The following AK9 variants were observed in gnomAD, a reference collection of about 807,000 sequenced individuals.
The protein encoded by AK9 is adenylate kinase domain containing 1.
AK9 carries 191 observed loss-of-function variants against 239.6 expected under a neutral mutation model. That is an observed-to-expected ratio of 0.80 (90% CI 0.71 to 0.90). AK9 has a LOEUF of 0.90. AK9 is among the 40% of genes least tolerant of loss of function. The pLI is 0.00. For synonymous variants in AK9, 689 were observed against 721.0 expected (o/e 0.96, Z 0.71); for missense variants, 1,995 against 2,214.7 (o/e 0.90, Z 1.99).
intron 8 of AK9, among the ~76,000 whole-genome samples, chr6:109,652,467 T>C (rs1270860804): frequency 6.6e-6 from 1 of 152,108 alleles, no homozygotes; most frequent in African/African-American, 2.4e-5. Flanking sequence ...TAATGGAGCT[T>C]ACTTTTTCAC....
chr6:109,499,086 G>A lies in AK9; in HGVS notation c.5004C>T (p.Phe1668=). 1 of 1,599,760 alleles carries A rather than the reference G, an allele frequency of 6.3e-7. No homozygotes were observed. Among genetic ancestry groups the A allele is most frequent in the Non-Finnish European group, 8.5e-7 (1 of 1,173,464 alleles). ...ATDSLEFAAE[F]RGHYYKMSSQ... ...AACTCATTTTATAGTAGTGCCCCCT[G>A]AACTCTGCTGCAAATTCCAAGGAGT... Residue 1668 remains phenylalanine (F), a synonymous_variant, in exon 36 of 41, where the codon TTC becomes TTT. Coordinates refer to ENST00000424296, the MANE Select transcript of AK9 (RefSeq NM_001145128.3).
Position 109,509,146 on chromosome 6 carries a change from C to T in AK9, c.4481+33G>A, listed in dbSNP as rs1480495257. 3 of 1,538,758 alleles carry T rather than the reference C, an allele frequency of 1.9e-6. No individual in the cohort carries two copies. In the South Asian group the frequency reaches 3.6e-5, roughly 19 times the overall value. ...AGCAGTTTCTTGAAAGATTTAACTC[C>T]CTCTGTCCCATCCTCTCACCCCATT... On this transcript the variant is annotated intron_variant, in intron 33 of 40. Coordinates refer to ENST00000424296, the MANE Select transcript of AK9 (RefSeq NM_001145128.3).
chr6:109,617,799 G>A (rs1032690366), intron 13 of AK9, among the ~76,000 whole-genome samples: 1 of 152,088 alleles, frequency 6.6e-6, no homozygotes, highest in African/African-American at 2.4e-5. Context: ...CTAAGTATGA[G>A]TGAGTTTTCC....
chr6:109,601,115 C>T (rs1211505529), intron 17 of AK9, among the ~76,000 whole-genome samples: 1 of 152,162 alleles, frequency 6.6e-6, no homozygotes. Context: ...TTGCCTTCTG[C>T]TAGCTTTTGA....
chr6:109,672,061 T>A, intron 4 of AK9, 46 bp from the exon 5 acceptor site: 1 of 1,612,218 alleles, frequency 6.2e-7, no homozygotes, highest in African/African-American at 1.3e-5. Context: ...AATATATCTA[T>A]GATACAGAGC....
intron 6 of AK9, chr6:109,661,059 T>C (rs1800353325): frequency 1.4e-5 from 5 of 366,062 alleles, no homozygotes; most frequent in Non-Finnish European, 2.7e-5. Context: ...TTTATGGATC[T>C]TGGGCTAAGA....
Position 109,671,943 on chromosome 6 carries a change from T to C in AK9, c.307A>G (p.Asn103Asp). ...CCAAAGTGACAGACTTCTGGGGAGTTGAGCTTCTCCAACATTAGCTTTATG... is the reference window on the plus strand; with the variant it reads ...CCAAAGTGACAGACTTCTGGGGAGTCGAGCTTCTCCAACATTAGCTTTATG... Reference protein sequence around the residue: ...LVIKLMLEKLNSPEVCHFGYI... With the variant: ...LVIKLMLEKLDSPEVCHFGYI... The change falls in exon 5 of 41, where the codon AAC (asparagine) becomes GAC (aspartate). Residue 103 changes from asparagine (N) to aspartate (D), a missense_variant. Coordinates refer to ENST00000424296, the MANE Select transcript of AK9 (RefSeq NM_001145128.3). 1.2e-6 allele frequency: 2 copies of C among 1,613,786 alleles called. No homozygotes were observed. The highest frequency in any genetic ancestry group is 1.7e-6 in the Non-Finnish European group (2 of 1,179,732).
At position 109,516,072 on chromosome 6, in the gene AK9, C is replaced by A; in HGVS notation, c.3850G>T (p.Glu1284Ter). The stretch of plus-strand genomic sequence containing the variant: ...ATTGGTATCAAATACCTCTCAAGTT[C>A]ATCCTGATAAGAAAAGTCATAAAAA... ...DTHNLQIIQD[E>*]LERYLIPIIS... is the part of the protein sequence containing the mutation. The change falls in exon 31 of 41, where the codon GAA becomes TAA. Residue 1284 changes from glutamate (E) to a stop codon, truncating the protein, a stop_gained. Coordinates refer to ENST00000424296, the MANE Select transcript of AK9 (RefSeq NM_001145128.3). LOFTEE classifies it high-confidence loss of function. 1 of 1,545,780 alleles carries A rather than the reference C, an allele frequency of 6.5e-7. No individual in the cohort carries two copies. Among genetic ancestry groups the A allele is most frequent in the South Asian group, 1.2e-5 (1 of 83,602 alleles).
At chr6:109,546,857 G>A (rs1238141540) in intron 25 of AK9, among the ~76,000 whole-genome samples, 2 of 152,134 alleles carry the variant, frequency 1.3e-5, no homozygotes, top group East Asian at 3.9e-4. Context: ...TCACCCACCA[G>A]TTAAACGTCT....
intron 35 of AK9, among the ~76,000 whole-genome samples, chr6:109,504,610 C>T (rs1239137846): frequency 6.6e-6 from 1 of 151,714 alleles, no homozygotes; most frequent in Non-Finnish European, 1.5e-5. Context: ...GGAGTTTGAG[C>T]CCAGCCTGGT....
At chr6:109,603,289 C>G (rs890202736) in intron 17 of AK9, among the ~76,000 whole-genome samples, 5 of 152,194 alleles carry the variant, frequency 3.3e-5, no homozygotes, top group African/African-American at 1.2e-4. Context: ...TTCCTTCTAA[C>G]AGTCAGGATC....
At chr6:109,633,368 G>C (rs773204007) in intron 10 of AK9, 45 bp from the exon 11 acceptor site, 2 of 1,553,298 alleles carry the variant, frequency 1.3e-6, no homozygotes, top group Admixed American at 2.1e-5. Context: ...CATAAATTTT[G>C]CTGAAATTAG....
chr6:109,527,345 T>C (rs929696326), intron 29 of AK9, among the ~76,000 whole-genome samples: 1 of 152,206 alleles, frequency 6.6e-6, no homozygotes. Context: ...AAGGGCTTTC[T>C]CCGCCAGGGA....
chr6:109,652,771 T>C (rs1799150835), intron 8 of AK9, among the ~76,000 whole-genome samples: 10 of 152,202 alleles, frequency 6.6e-5, no homozygotes. Flanking sequence ...GACTTCTCCC[T>C]GCTCCTCCAT....
chr6:109,542,278 A>C, intron 26 of AK9, 107 bp from the exon 27 acceptor site: 1 of 1,109,432 alleles, frequency 9.0e-7, no homozygotes, highest in Middle Eastern at 3.0e-4. Context: ...ATGGAGGTGG[A>C]GAGTAGAATG....
rs778801986 is a variant in AK9 at position 109,559,174 on chromosome 6, T to TTTG, written c.2751+4422_2751+4423insCAA. ...GCCATGGTATATCTATCTGTTTTTTTTTTTGTTTTTTTGAGATGGGGTCTC... is the reference window on the plus strand; with the variant it reads ...GCCATGGTATATCTATCTGTTTTTTTTTGTTTTGTTTTTTTGAGATGGGGTCTC... On this transcript the variant is annotated intron_variant, in intron 24 of 40. Transcript: ENST00000424296. Among the ~76,000 whole-genome samples, 144 of 150,844 alleles carry TTTG rather than the reference T, an allele frequency of 9.5e-4. 1 individual carries two copies. Among genetic ancestry groups the TTTG allele is most frequent in the East Asian group, 2.6e-3 (13 of 5,080 alleles).
At chr6:109,523,372 T>C (rs1341599141) in intron 29 of AK9, among the ~76,000 whole-genome samples, 1 of 152,138 alleles carries the variant, frequency 6.6e-6, no homozygotes, top group Non-Finnish European at 1.5e-5. Flanking sequence ...AGTTGGAAGA[T>C]GTATATTCTA....
intron 27 of AK9, among the ~76,000 whole-genome samples, chr6:109,537,021 G>T (rs1468410582): frequency 6.6e-6 from 1 of 152,186 alleles, no homozygotes; most frequent in African/African-American, 2.4e-5. Context: ...TTTTACTGAG[G>T]ATTTTTGCAT....
At chr6:109,544,856 G>T (rs1783332764) in intron 26 of AK9, among the ~76,000 whole-genome samples, 1 of 152,072 alleles carries the variant, frequency 6.6e-6, no homozygotes, top group African/African-American at 2.4e-5. Context: ...AGAAATCAGA[G>T]AACACAATAA....
Sources: allele counts gnomAD v4.1 joint callset (sites outside exome capture counted in the v4.1 genomes callset), GRCh38; gene constraint gnomAD v4.1.1; transcripts MANE v1.5; gene names NCBI Gene and HGNC (gene_info 2026-07-23, HGNC 2026-07-21).